The following UBE3C variants were observed in gnomAD, a reference collection of about 807,000 sequenced individuals.
The protein encoded by UBE3C is ubiquitin protein ligase E3C.
In UBE3C, 42 loss-of-function variants were observed where a neutral mutation model predicts 129.4. That is an observed-to-expected ratio of 0.32 (90% CI 0.25 to 0.42). The LOEUF is 0.42. Ranked by LOEUF, UBE3C falls within the 10% of genes least tolerant of loss-of-function variation. The probability of loss-of-function intolerance (pLI) is 1.00; values close to 1 mark genes in which losing one functional copy is unlikely to be tolerated. For synonymous variants in UBE3C, 510 were observed against 492.4 expected (o/e 1.04, Z -0.47); for missense variants, 1,049 against 1,319.1 (o/e 0.80, Z 3.17).
Position 157,220,783 on chromosome 7 carries a change from T to G in UBE3C, c.2002+7T>G. ...CTGCAGTCCACCCTGGACGGTGAGTTCTCTAGGACACAGGGTTACTGAGGT... is the reference window on the plus strand; with the variant it reads ...CTGCAGTCCACCCTGGACGGTGAGTGCTCTAGGACACAGGGTTACTGAGGT... On this transcript the variant is annotated splice_region_variant and intron_variant, in intron 15 of 22. Transcript: ENST00000348165. 2 of 1,614,000 alleles carry G rather than the reference T, an allele frequency of 1.2e-6. No homozygotes were observed. Among genetic ancestry groups the G allele is most frequent in the Non-Finnish European group, 8.5e-7 (1 of 1,179,918 alleles).
chr7:157,212,166 C>G (rs1479199164), intron 13 of UBE3C, among the ~76,000 whole-genome samples: 1 of 151,824 alleles, frequency 6.6e-6, no homozygotes, highest in Non-Finnish European at 1.5e-5. Flanking sequence ...TTTTAAAGAA[C>G]TAACTCATCT....
At chr7:157,148,731 C>CTT (rs58138213) in intron 1 of UBE3C, among the ~76,000 whole-genome samples, 8,943 of 131,670 alleles carry the variant, frequency 0.068, 411 homozygotes, top group Non-Finnish European at 0.1. Flanking sequence ...CAAATTAGTT[C>CTT]TTTTTTTTTT....
rs1202276698 is a variant in UBE3C, at chr7:157,207,333, ATTAG to A, written c.1419-62_1419-59del. The A allele has an allele frequency of 1.2e-5, 18 of 1,562,176 alleles. No homozygotes were observed. In the African/African-American group the frequency reaches 2.4e-4, roughly 20 times the overall value. ...TATATTTGTTTGATGTTATGTTTTAATTAGTTCCCAAACTAAGACTAATTTTAAA... is the reference window on the plus strand; with the variant it reads ...TATATTTGTTTGATGTTATGTTTTAATTCCCAAACTAAGACTAATTTTAAA... On this transcript the variant is annotated intron_variant, in intron 11 of 22. Coordinates refer to ENST00000348165, the MANE Select transcript of UBE3C (RefSeq NM_014671.3).
chr7:157,238,212 G>A (rs1360214241), intron 18 of UBE3C, among the ~76,000 whole-genome samples: 2 of 152,216 alleles, frequency 1.3e-5, no homozygotes, highest in East Asian at 1.9e-4. Flanking sequence ...TTTGAGAGGC[G>A]GCAGTAAGTA....
chr7:157,220,684 G>T lies in UBE3C; in HGVS notation c.1915-5G>T, dbSNP rs182981600. On this transcript the variant is annotated splice_region_variant and splice_polypyrimidine_tract_variant and intron_variant, in intron 14 of 22. Transcript: ENST00000348165. ...GGAGTTCTGAACCAGGATTGCCCCC[G>T]ACAGGTCACTCAGCTCTATGTGCCA... is the stretch of plus-strand genomic sequence containing the variant. 4.3e-6 allele frequency: 7 copies of T among 1,614,062 alleles called. No homozygotes were observed. The highest frequency in any genetic ancestry group is 1.1e-5 in the South Asian group (1 of 91,070).
Position 157,242,526 on chromosome 7 carries a change from T to G in UBE3C, c.2482-5842T>G, listed in dbSNP as rs28459354. Among the ~76,000 whole-genome samples the G allele has an allele frequency of 3.1e-4, 45 of 146,684 alleles. 1 individual carries two copies. The highest frequency in any genetic ancestry group is 9.8e-4 in the African/African-American group (39 of 39,878). ...CTGAGCCTGAGTTGTTTTTTTTTTT[T>G]TTTTTTTTTTTAAATTCCTACTGTC... On this transcript the variant is annotated intron_variant, in intron 18 of 22. Transcript: ENST00000348165.
Position 157,223,294 on chromosome 7 carries a change from A to G in UBE3C, c.2043A>G (p.Arg681=), listed in dbSNP as rs755373088. ...ESPPLSVSEE[R]QLAVLTELPF... ...CGCCGCTGTCTGTGTCTGAGGAAAG[A>G]CAGCTTGCTGTCCTGACAGAGTTGC... The change falls in exon 16 of 23, where the codon AGA becomes AGG. Residue 681 remains arginine, a synonymous_variant. Coordinates refer to ENST00000348165, the MANE Select transcript of UBE3C (RefSeq NM_014671.3). 7.4e-6 allele frequency: 12 copies of G among 1,614,030 alleles called. No homozygotes were observed. Among genetic ancestry groups the G allele is most frequent in the South Asian group, 1.1e-5 (1 of 91,072 alleles).
chr7:157,141,207 C>T (rs1452051952), intron 1 of UBE3C, among the ~76,000 whole-genome samples: 1 of 152,058 alleles, frequency 6.6e-6, no homozygotes. Flanking sequence ...GGTGCCCTGG[C>T]CTGGTTAAGG....
intron 13 of UBE3C, among the ~76,000 whole-genome samples, chr7:157,213,197 A>ATT (rs1809646852): frequency 6.6e-6 from 1 of 152,264 alleles, no homozygotes; most frequent in African/African-American, 2.4e-5. Context: ...ACATAATGCT[A>ATT]TTGTATTTCA....
At chr7:157,213,699 A>G (rs1010505330) in intron 13 of UBE3C, among the ~76,000 whole-genome samples, 2 of 152,214 alleles carry the variant, frequency 1.3e-5, no homozygotes, top group East Asian at 1.9e-4. Flanking sequence ...TAGGAGAAAA[A>G]TAGTTGATAT....
At chr7:157,231,566 G>A (rs1297914151) in intron 18 of UBE3C, 1 of 521,040 alleles carries the variant, frequency 1.9e-6, no homozygotes, top group Non-Finnish European at 3.4e-6. Flanking sequence ...ATTCAGAGGT[G>A]GAATCTTTAA....
chr7:157,139,403 A>ACTCGGGGTTGGC, intron 1 of UBE3C, 65 bp downstream of exon 1: 1 of 1,432,084 alleles, frequency 7.0e-7, no homozygotes, highest in Non-Finnish European at 9.2e-7. Context: ...CGGGGCTGGG[A>ACTCGGGGTTGGC]CTCGGGGCTG....
Position 157,207,492 on chromosome 7 carries a change from T to A in UBE3C, c.1513T>A (p.Ser505Thr). 6.2e-7 allele frequency: 1 copy of A among 1,613,860 alleles called. No homozygotes were observed. Among genetic ancestry groups the A allele is most frequent in the Admixed American group, 1.7e-5 (1 of 59,944 alleles). The change falls in exon 12 of 23, where the codon TCC becomes ACC. Residue 505 changes from serine (S) to threonine (T), a missense_variant. By Grantham distance (58) the Ser-to-Thr change is moderately conservative. Coordinates refer to ENST00000348165, the MANE Select transcript of UBE3C (RefSeq NM_014671.3). Reference sequence around the variant, plus strand: ...CATCCCACTCTTTTATCTTTTTAGCTCCTTGTTTAGTCATTCACTAATTTC... The same window carrying A: ...CATCCCACTCTTTTATCTTTTTAGCACCTTGTTTAGTCATTCACTAATTTC... ...RIIPLFYLFS[S>T]LFSHSLISIH...
intron 18 of UBE3C, among the ~76,000 whole-genome samples, chr7:157,234,982 G>A (rs1038757300): frequency 2.6e-5 from 4 of 152,144 alleles, no homozygotes; most frequent in Admixed American, 6.5e-5. Flanking sequence ...ACCTGAGGTC[G>A]GGAGCTCGAG....
intron 5 of UBE3C, among the ~76,000 whole-genome samples, chr7:157,175,378 G>A (rs192065748): frequency 1.3e-5 from 2 of 151,900 alleles, no homozygotes; most frequent in Admixed American, 6.6e-5. Context: ...ATTCCATAGG[G>A]GTCTCCACCA....
chr7:157,221,546 G>C (rs184677748), intron 15 of UBE3C: 13 of 152,356 alleles, frequency 8.5e-5, no homozygotes, highest in African/African-American at 3.1e-4. Flanking sequence ...TTCAAGACCA[G>C]CCTGACCAAC....
At position 157,248,499 on chromosome 7, in the gene UBE3C, C is replaced by G; in HGVS notation, c.2613C>G (p.Leu871=). 1.2e-6 allele frequency: 2 copies of G among 1,613,498 alleles called. No homozygotes were observed. Among genetic ancestry groups the G allele is most frequent in the Non-Finnish European group, 1.7e-6 (2 of 1,180,036 alleles). ...SLDPEVYKNL[L]FLKSYEDDVE... Reference sequence around the variant, plus strand: ...ACCCTGAGGTGTATAAGAATTTGCTCTTTCTGAAGAGCTACGAAGACGATG... The same window carrying G: ...ACCCTGAGGTGTATAAGAATTTGCTGTTTCTGAAGAGCTACGAAGACGATG... Residue 871 remains leucine (L), a synonymous_variant, in exon 19 of 23, where the codon CTC becomes CTG. Transcript: ENST00000348165.
intron 22 of UBE3C, among the ~76,000 whole-genome samples, 175 bp downstream of exon 22, chr7:157,257,219 G>A (rs1290227434): frequency 6.6e-6 from 1 of 152,024 alleles, no homozygotes. Context: ...TTTTATTTGG[G>A]GTTGCTTTTT....
At chr7:157,157,684 T>C (rs890622488) in intron 1 of UBE3C, among the ~76,000 whole-genome samples, 3 of 152,132 alleles carry the variant, frequency 2.0e-5, no homozygotes, top group African/African-American at 7.2e-5. Context: ...CATTAAAATA[T>C]AACATGGTGG....
Sources: gnomAD v4.1 joint callset for allele counts (sites outside exome capture counted in the v4.1 genomes callset) on GRCh38, gnomAD v4.1.1 for gene constraint, MANE v1.5 for transcripts, NCBI Gene and HGNC (gene_info 2026-07-23, HGNC 2026-07-21) for gene names.